ERAP1: variants seen among roughly 807,000 people sequenced by gnomAD.
ERAP1 encodes adipocyte-derived leucine aminopeptidase.
Under a neutral mutation model 103.7 loss-of-function variants are expected in ERAP1, and 86 were observed. The observed-to-expected ratio is 0.83, with a 90% confidence interval of 0.70 to 0.99. ERAP1 has a LOEUF of 0.99. ERAP1 is among the 50% of genes least tolerant of loss of function. The pLI, the probability that ERAP1 is intolerant of heterozygous loss-of-function variation, is 0.00. For synonymous variants in ERAP1, 398 were observed against 402.4 expected (o/e 0.99, Z 0.13); for missense variants, 1,009 against 1,128.4 (o/e 0.89, Z 1.52).
chr5:96,772,766 A>T (rs1343475299), downstream of ERAP1: 1 of 152,766 alleles, frequency 6.5e-6, no homozygotes, highest in Non-Finnish European at 1.5e-5. Flanking sequence ...AACATCCTAA[A>T]TATTGGTTTG....
At chr5:96,792,257 G>T in intron 7 of ERAP1, 65 bp from the exon 8 acceptor site, 2 of 1,540,780 alleles carry the variant, frequency 1.3e-6, no homozygotes, top group Non-Finnish European at 1.8e-6. Flanking sequence ...TGTCAAAGGT[G>T]GGACATTTTA....
At chr5:96,910,035 G>C in the ERAP1 span, 2 of 287,690 alleles carry the variant, frequency 7.0e-6, no homozygotes, top group South Asian at 1.0e-4. Context: ...GGAGGCCAAG[G>C]AGGGTGAATC....
intron 7 of ERAP1, among the ~76,000 whole-genome samples, chr5:96,792,564 C>A (rs768003228): frequency 2.6e-5 from 4 of 152,096 alleles, no homozygotes; most frequent in Admixed American, 2.0e-4. Flanking sequence ...AAGATACTTA[C>A]CTTTAAAAAC....
chr5:96,851,543 T>G, the ERAP1 span, among the ~76,000 whole-genome samples: 1 of 152,230 alleles, frequency 6.6e-6, no homozygotes, highest in African/African-American at 2.4e-5. Context: ...ATGCTGCTAT[T>G]CTCTGGTTTC....
At chr5:96,800,645 T>C (rs1476603538) in intron 3 of ERAP1, among the ~76,000 whole-genome samples, 2 of 152,252 alleles carry the variant, frequency 1.3e-5, no homozygotes, top group Non-Finnish European at 2.9e-5. Context: ...GGAATGGCAC[T>C]GTTACTGAAA....
chr5:96,910,633 C>T, the ERAP1 span, among the ~76,000 whole-genome samples: 1 of 152,030 alleles, frequency 6.6e-6, no homozygotes, highest in African/African-American at 2.4e-5. Context: ...CTGCAGTAAC[C>T]TACCTACAGT....
At chr5:96,790,868 A>C (rs888975293) in intron 8 of ERAP1, among the ~76,000 whole-genome samples, 3 of 152,152 alleles carry the variant, frequency 2.0e-5, no homozygotes, top group African/African-American at 7.2e-5. Context: ...TGAGGCCCTT[A>C]TTTTCTATCA....
At chr5:96,769,689 T>A (rs1011181013), downstream of ERAP1, 4 of 151,990 alleles carry the variant, frequency 2.6e-5, no homozygotes, top group South Asian at 2.1e-4. Flanking sequence ...CACTTGTTCA[T>A]TCTGCATATC....
chr5:96,851,632 A>G, the ERAP1 span, among the ~76,000 whole-genome samples: 1 of 152,074 alleles, frequency 6.6e-6, no homozygotes, highest in African/African-American at 2.4e-5. Context: ...TCACACAAAC[A>G]CTGGTTTTGC....
At chr5:96,863,639 A>T in the ERAP1 span, among the ~76,000 whole-genome samples, 1 of 151,990 alleles carries the variant, frequency 6.6e-6, no homozygotes, top group East Asian at 1.9e-4. Flanking sequence ...TAGCAGATTC[A>T]CCCATGGTCA....
chr5:96,780,235 G>A (rs1774954693), intron 18 of ERAP1, among the ~76,000 whole-genome samples, 188 bp downstream of exon 18: 1 of 152,162 alleles, frequency 6.6e-6, no homozygotes, highest in African/African-American at 2.4e-5. Flanking sequence ...TCTGAGAAGA[G>A]GCACAGTTTT....
chr5:96,780,948 C>G, intron 17 of ERAP1, 110 bp downstream of exon 17: 1 of 1,298,190 alleles, frequency 7.7e-7, no homozygotes, highest in Non-Finnish European at 1.1e-6. Context: ...TGCCTATCTT[C>G]AATCAAAAAG....
chr5:96,785,566 G>A, intron 13 of ERAP1: 1 of 556,200 alleles, frequency 1.8e-6, no homozygotes, highest in Non-Finnish European at 3.2e-6. Flanking sequence ...TTATTAATGA[G>A]AAAGATTAAG....
chr5:96,895,107 G>A, the ERAP1 span: 1 of 571,610 alleles, frequency 1.7e-6, no homozygotes, highest in Non-Finnish European at 3.0e-6. Flanking sequence ...GAAGAAAATT[G>A]TACAGAGAGA....
chr5:96,792,504 T>A (rs967007149), intron 7 of ERAP1, among the ~76,000 whole-genome samples: 3 of 152,156 alleles, frequency 2.0e-5, no homozygotes, highest in African/African-American at 4.8e-5. Flanking sequence ...AGAAATTAAC[T>A]GTATAGTAAT....
the ERAP1 span, chr5:96,881,499 A>G: frequency 6.6e-6 from 3 of 455,958 alleles, no homozygotes; most frequent in East Asian, 1.4e-4. Context: ...AGTCTGGCTC[A>G]GTGCACTCTC....
At chr5:96,826,922 A>G in the ERAP1 span, among the ~76,000 whole-genome samples, 4 of 152,252 alleles carry the variant, frequency 2.6e-5, no homozygotes, top group Admixed American at 2.6e-4. Flanking sequence ...AGAAATGTGT[A>G]TTAGATATAT....
the ERAP1 span, chr5:96,917,416 C>T: frequency 7.0e-6 from 11 of 1,561,504 alleles, no homozygotes; most frequent in Non-Finnish European, 9.6e-6. Flanking sequence ...CCACCACACT[C>T]GGCCAAGACA....
At position 96,774,953 on chromosome 5, in the gene ERAP1, T is replaced by C. The variant is rs1773847468; in HGVS notation, c.*1443A>G. 4.1e-6 allele frequency: 4 copies of C among 982,740 alleles called. No homozygotes were observed. The highest frequency in any genetic ancestry group is 1.8e-5 in the African/African-American group (1 of 57,080). 60.9% of individuals were successfully genotyped at this position (982,740 alleles called of 1,614,324 possible). On this transcript the variant is annotated 3_prime_UTR_variant, in exon 19 of 19. Transcript: ENST00000443439. Reference sequence around the variant, plus strand: ...ATCATATTCCCTTATCTTGAAGTTTTTGCCTTATATTCAAAAAGTTCAGTT... The same window carrying C: ...ATCATATTCCCTTATCTTGAAGTTTCTGCCTTATATTCAAAAAGTTCAGTT...
Sources: gnomAD v4.1 joint callset for allele counts (sites outside exome capture counted in the v4.1 genomes callset) on GRCh38, gnomAD v4.1.1 for gene constraint, MANE v1.5 for transcripts, NCBI Gene and HGNC (gene_info 2026-07-23, HGNC 2026-07-21) for gene names.